The following ASB2 variants were observed in gnomAD, a reference collection of about 807,000 sequenced individuals.
The protein encoded by ASB2 is ankyrin repeat and SOCS box protein 2.
Under a neutral mutation model 62.4 loss-of-function variants are expected in ASB2, and 58 were observed. The ratio of observed to expected loss-of-function variants is 0.93; its 90% CI spans 0.75 to 1.16. The LOEUF (loss-of-function observed/expected upper bound fraction) is 1.16. Among genes scored for constraint, ASB2 ranks in the 50% most tolerant of loss-of-function variants. The pLI, the probability that ASB2 is intolerant of heterozygous loss-of-function variation, is 0.00. For missense variants in ASB2, 928 were observed against 887.9 expected (o/e 1.05, Z -0.57); for synonymous variants, 386 against 385.3 (o/e 1.00, Z -0.02).
chr14:93,937,921 C>T, intron 8 of ASB2, 70 bp from the exon 9 acceptor site: 2 of 1,476,776 alleles, frequency 1.4e-6, no homozygotes, highest in East Asian at 2.5e-5. Flanking sequence ...CCAGGGACGG[C>T]AGCGGATGTG....
At chr14:93,970,379 A>G (rs1404717791) in intron 1 of ASB2, among the ~76,000 whole-genome samples, 1 of 152,066 alleles carries the variant, frequency 6.6e-6, no homozygotes, top group Non-Finnish European at 1.5e-5. Context: ...TCGTCAGCCT[A>G]CCCTGCCCTG....
chr14:93,956,876 G>A lies in ASB2; in HGVS notation c.207-6C>T, dbSNP rs562355115. 7.4e-6 allele frequency: 12 copies of A among 1,614,212 alleles called. No individual in the cohort carries two copies. The East Asian group carries it at 1.8e-4, about 24-fold the overall frequency. ...TCTCAGGAGGTGCAGTGGACCTGGA[G>A]GGTGCAGAGCAGGAGTGAAAGAGGG... On this transcript the variant is annotated splice_polypyrimidine_tract_variant and splice_region_variant and intron_variant, in intron 2 of 9. Transcript: ENST00000555019.
rs562287902 is a variant in ASB2 at position 93,953,576 on chromosome 14, C to T, written c.479-69G>A. The T allele has an allele frequency of 3.1e-4, 404 of 1,310,692 alleles. 1 individual carries two copies. Among genetic ancestry groups the T allele is most frequent in the Admixed American group, 4.2e-4 (17 of 40,794 alleles). 81.2% of individuals were successfully genotyped at this position (1,310,692 alleles called of 1,614,324 possible). ...CAGCCCCGCAACACAGAGGCTTTCC[C>T]GATTGCCTCCCAATTTCAAGAACAA... On this transcript the variant is annotated intron_variant, in intron 4 of 9. Transcript: ENST00000555019.
chr14:93,938,134 A>G (rs368625192), intron 8 of ASB2, among the ~76,000 whole-genome samples: 1 of 152,264 alleles, frequency 6.6e-6, no homozygotes, highest in East Asian at 1.9e-4. Context: ...TATGAACATA[A>G]ACTTTGCACA....
chr14:93,972,254 C>T (rs1172300978), intron 1 of ASB2, among the ~76,000 whole-genome samples: 1 of 151,652 alleles, frequency 6.6e-6, no homozygotes, highest in Non-Finnish European at 1.5e-5. Flanking sequence ...GCAATGCTCT[C>T]TCCTTCTGCC....
At chr14:93,973,881 C>G (rs1309303139) in intron 1 of ASB2, 1 of 152,410 alleles carries the variant, frequency 6.6e-6, no homozygotes, top group Non-Finnish European at 1.5e-5. Flanking sequence ...CCCCAGCACC[C>G]CTGCCCTAGC....
chr14:93,943,970 A>G (rs1171327464), intron 7 of ASB2: 3 of 455,982 alleles, frequency 6.6e-6, no homozygotes, highest in South Asian at 1.5e-5. Context: ...AGGAATATTT[A>G]AAAACGAGGG....
At chr14:93,969,320 A>G (rs59063478) in intron 1 of ASB2, among the ~76,000 whole-genome samples, 1,573 of 152,286 alleles carry the variant, frequency 0.01, 29 homozygotes, top group African/African-American at 0.036. Context: ...ACGAGGGGGA[A>G]GTTATGAAGC....
chr14:93,937,419 C>A (rs569007948), intron 9 of ASB2, among the ~76,000 whole-genome samples: 2 of 152,208 alleles, frequency 1.3e-5, no homozygotes, highest in Non-Finnish European at 2.9e-5. Flanking sequence ...CCTCAGGGAG[C>A]TGTAGCTGTT....
chr14:93,937,697 C>T lies in ASB2; in HGVS notation c.1771+1G>A, dbSNP rs1409773402. On this transcript the variant is annotated splice_donor_variant, in intron 9 of 9. Transcript: ENST00000555019. LOFTEE classifies it high-confidence loss of function. ...CCTTGGCAGCAGCAGCAAGTCCCTA[C>T]CTGCCTTCTCCTTGATGACGGCCCA... The T allele has an allele frequency of 6.2e-7, 1 of 1,605,466 alleles. No homozygotes were observed. The highest frequency in any genetic ancestry group is 1.1e-5 in the South Asian group (1 of 90,858).
intron 7 of ASB2, among the ~76,000 whole-genome samples, chr14:93,945,646 G>A (rs1888697344): frequency 6.6e-6 from 1 of 152,198 alleles, no homozygotes; most frequent in African/African-American, 2.4e-5. Context: ...CTTGTGGACA[G>A]CTGTGCTGTC....
chr14:93,943,997 C>G, intron 7 of ASB2: 1 of 456,056 alleles, frequency 2.2e-6, no homozygotes, highest in Non-Finnish European at 4.4e-6. Context: ...AAGTAAGGCC[C>G]AGAATGCAAG....
chr14:93,953,948 C>T (rs755153023), intron 4 of ASB2, among the ~76,000 whole-genome samples: 4 of 152,170 alleles, frequency 2.6e-5, no homozygotes, highest in African/African-American at 7.2e-5. Context: ...GGCTGTCCCG[C>T]GGTCCCACAG....
chr14:93,945,344 C>T lies in ASB2; in HGVS notation c.1052+2005G>A, dbSNP rs116603327. Among the ~76,000 whole-genome samples, 1,056 of 152,280 alleles carry T rather than the reference C, an allele frequency of 6.9e-3. 12 individuals carry two copies. Among genetic ancestry groups the T allele is most frequent in the African/African-American group, 0.024 (984 of 41,544 alleles). ...ACTCAAGAGAAAGGAGCCGTCTTGT[C>T]CATGCCCACTGCCTGGCTTGAGCTG... On this transcript the variant is annotated intron_variant, in intron 7 of 9. Coordinates refer to ENST00000555019, the MANE Select transcript of ASB2 (RefSeq NM_001202429.2).
chr14:93,974,241 A>G (rs551524606), intron 1 of ASB2, among the ~76,000 whole-genome samples: 37 of 152,264 alleles, frequency 2.4e-4, no homozygotes, highest in African/African-American at 8.7e-4. Context: ...TTTTTAAAAA[A>G]CAGATAGTTT....
intron 5 of ASB2, 118 bp from the exon 6 acceptor site, chr14:93,951,362 G>A: frequency 8.0e-7 from 1 of 1,244,492 alleles, no homozygotes; most frequent in Non-Finnish European, 1.1e-6. Flanking sequence ...CACTGCATGT[G>A]TATTAAGTTC....
At chr14:93,969,095 C>A (rs1889678995) in intron 1 of ASB2, among the ~76,000 whole-genome samples, 1 of 152,150 alleles carries the variant, frequency 6.6e-6, no homozygotes, top group African/African-American at 2.4e-5. Flanking sequence ...GAGATATTAG[C>A]CAGTGTTATT....
Position 93,939,466 on chromosome 14 carries a change from A to T in ASB2, c.1259T>A (p.Val420Asp). The change falls in exon 8 of 10, where the codon GTC (valine) becomes GAC (aspartate). Residue 420 changes from valine to aspartate, a missense_variant. Coordinates refer to ENST00000555019, the MANE Select transcript of ASB2 (RefSeq NM_001202429.2). ...CTCGGTGGCGTACACGTTGTTGTTG[A>T]CCACCGCGAAGTACAGCGCGGAGCT... ...RRSSALYFAV[V>D]NNNVYATELL... is the part of the protein sequence containing the mutation. The T allele has an allele frequency of 6.2e-7, 1 of 1,612,166 alleles. No individual in the cohort carries two copies.
At chr14:93,956,048 G>A (rs994673003) in intron 3 of ASB2, among the ~76,000 whole-genome samples, 1 of 152,206 alleles carries the variant, frequency 6.6e-6, no homozygotes, top group Non-Finnish European at 1.5e-5. Flanking sequence ...TTGGCCAATT[G>A]CCTCCTCCCT....
Sources: gnomAD v4.1 joint callset for allele counts (sites outside exome capture counted in the v4.1 genomes callset) on GRCh38, gnomAD v4.1.1 for gene constraint, MANE v1.5 for transcripts, NCBI Gene and HGNC (gene_info 2026-07-23, HGNC 2026-07-21) for gene names.